Variants in MYH11 observed in about 807,000 individuals in gnomAD.
MYH11 encodes the protein myosin heavy chain 11.
Under a neutral mutation model 246.6 loss-of-function variants are expected in MYH11, and 80 were observed. The observed-to-expected ratio is 0.32, with a 90% confidence interval of 0.27 to 0.39. MYH11 has a LOEUF of 0.39. Among genes scored for constraint, MYH11 ranks in the 10% least tolerant of loss-of-function variants. MYH11 has a pLI of 1.00. For synonymous variants in MYH11, 1,071 were observed against 1,015.5 expected, an observed-to-expected ratio of 1.05 and a Z score of -1.04; for missense variants, 2,158 against 2,546.8, an observed-to-expected ratio of 0.85 and a Z score of 3.29.
At chr16:15,837,538 CTTTTT>C (rs11371178) in intron 2 of MYH11, among the ~76,000 whole-genome samples, 10 of 137,246 alleles carry the variant, frequency 7.3e-5, no homozygotes, top group Non-Finnish European at 1.4e-4. Flanking sequence ...CTCCCATTTC[CTTTTT>C]TTTTTTTTTT....
intron 4 of MYH11, among the ~76,000 whole-genome samples, chr16:15,794,738 T>A (rs554821423): frequency 1.3e-5 from 2 of 151,768 alleles, no homozygotes; most frequent in African/African-American, 4.8e-5. Context: ...GAGAGCCCTG[T>A]GGGAAGGATG....
At chr16:15,717,078 C>G in intron 38 of MYH11, 62 bp downstream of exon 38, 1 of 1,563,598 alleles carries the variant, frequency 6.4e-7, no homozygotes, top group Non-Finnish European at 8.8e-7. Context: ...CCTGACTTCA[C>G]TATGACTCCT....
chr16:15,817,737 A>G (rs963104860), intron 3 of MYH11, among the ~76,000 whole-genome samples: 3 of 152,098 alleles, frequency 2.0e-5, no homozygotes, highest in Non-Finnish European at 2.9e-5. Context: ...GCTCCCTGCC[A>G]CAGTATACTA....
chr16:15,838,384 C>G, intron 1 of MYH11, 115 bp from the exon 2 acceptor site: 2 of 788,712 alleles, frequency 2.5e-6, no homozygotes, highest in South Asian at 2.9e-5. Context: ...CCACCAAGTA[C>G]AAAGACCTGC....
intron 2 of MYH11, among the ~76,000 whole-genome samples, chr16:15,824,025 C>T (rs1160948795): frequency 6.6e-6 from 1 of 152,158 alleles, no homozygotes; most frequent in African/African-American, 2.4e-5. Flanking sequence ...AAATAACAGC[C>T]ACCGTTCATT....
At chr16:15,706,001 A>AAAAAAAAAAAAAAAC (rs2039431140) in intron 40 of MYH11, among the ~76,000 whole-genome samples, 1 of 151,090 alleles carries the variant, frequency 6.6e-6, no homozygotes. Context: ...AAAAAAAAAA[A>AAAAAAAAAAAAAAAC]AAAATCAAGG....
intron 31 of MYH11, among the ~76,000 whole-genome samples, chr16:15,723,618 C>G (rs1003963492): frequency 7.2e-5 from 11 of 152,168 alleles, no homozygotes; most frequent in African/African-American, 2.7e-4. Context: ...TGCACTCCAG[C>G]CTGGGTGACA....
At chr16:15,818,306 T>G (rs2043312556) in intron 3 of MYH11, among the ~76,000 whole-genome samples, 1 of 152,184 alleles carries the variant, frequency 6.6e-6, no homozygotes. Context: ...GTCAACACAC[T>G]GGGCCTACGT....
At chr16:15,836,680 G>GTGA (rs2043903506) in intron 2 of MYH11, among the ~76,000 whole-genome samples, 1 of 145,990 alleles carries the variant, frequency 6.8e-6, no homozygotes, top group Non-Finnish European at 1.5e-5. Flanking sequence ...GATTACAGGT[G>GTGA]TGAGCCCACG....
intron 4 of MYH11, among the ~76,000 whole-genome samples, chr16:15,790,675 G>A (rs1408653967): frequency 6.6e-6 from 1 of 152,108 alleles, no homozygotes; most frequent in Non-Finnish European, 1.5e-5. Flanking sequence ...ATTTCTTGGG[G>A]AATTTGGTAC....
chr16:15,823,579 G>C (rs182179981), intron 2 of MYH11, among the ~76,000 whole-genome samples, 168 bp from the exon 3 acceptor site: 2 of 152,142 alleles, frequency 1.3e-5, no homozygotes, highest in African/African-American at 2.4e-5. Context: ...GAGAAAGGGC[G>C]AGAGTGGGTT....
At chr16:15,753,125 C>CGTGCCTGGCATGCT (rs1264043898) in intron 15 of MYH11, among the ~76,000 whole-genome samples, 1 of 152,166 alleles carries the variant, frequency 6.6e-6, no homozygotes, top group East Asian at 1.9e-4. Flanking sequence ...TCTAACTCCC[C>CGTGCCTGGCATGCT]GTGCCTGGCA....
rs2039300436 is a variant in MYH11 at position 15,703,623 on chromosome 16, C to G, written c.*368G>C. The G allele has an allele frequency of 5.0e-6, 2 of 400,016 alleles. No homozygotes were observed. The highest frequency in any genetic ancestry group is 4.0e-5 in the African/African-American group (2 of 50,184). The allele number at this position is 400,016 out of a possible 1,614,324, so 24.8% of individuals were successfully genotyped here. A position where few individuals can be genotyped will look rare whatever the true frequency, so the allele number is the denominator to read the frequency against. On this transcript the variant is annotated 3_prime_UTR_variant, in exon 41 of 41. Transcript: ENST00000300036. ...GGTGGTGGTGGTTGAGACAGGGTCT[C>G]TGTTGCCCAGGCTGGAGTGCAATGA...
At chr16:15,805,915 T>TA (rs903889922) in intron 3 of MYH11, among the ~76,000 whole-genome samples, 12 of 151,816 alleles carry the variant, frequency 7.9e-5, no homozygotes, top group African/African-American at 1.9e-4. Flanking sequence ...GACCCTGTCT[T>TA]AAAAAATATA....
intron 2 of MYH11, among the ~76,000 whole-genome samples, chr16:15,828,614 A>G (rs1200340328): frequency 2.0e-5 from 3 of 151,948 alleles, no homozygotes; most frequent in Admixed American, 6.6e-5. Context: ...CCAACATGGC[A>G]AAACCCCGTC....
chr16:15,793,615 C>CTTTTTTTTTTTT (rs572455483), intron 4 of MYH11, among the ~76,000 whole-genome samples: 1 of 93,818 alleles, frequency 1.1e-5, no homozygotes, highest in Non-Finnish European at 2.0e-5. Context: ...CTTTTCTTTT[C>CTTTTTTTTTTTT]TTTTTTTTTT....
chr16:15,855,303 G>A (rs1468182518), intron 1 of MYH11, among the ~76,000 whole-genome samples: 1 of 152,180 alleles, frequency 6.6e-6, no homozygotes, highest in African/African-American at 2.4e-5. Flanking sequence ...GACAAACAGT[G>A]CCTTTTATTT....
chr16:15,847,999 T>G (rs2044239615), intron 1 of MYH11, among the ~76,000 whole-genome samples: 1 of 152,114 alleles, frequency 6.6e-6, no homozygotes, highest in South Asian at 2.1e-4. Flanking sequence ...ATATTCCCCT[T>G]TCCCTCATTG....
At chr16:15,772,849 C>T (rs1429617029) in intron 8 of MYH11, among the ~76,000 whole-genome samples, 2 of 152,180 alleles carry the variant, frequency 1.3e-5, no homozygotes, top group African/African-American at 4.8e-5. Context: ...CATAGGAGCG[C>T]AAACCCTATC....
Sources: allele counts gnomAD v4.1 joint callset (sites outside exome capture counted in the v4.1 genomes callset), GRCh38; gene constraint gnomAD v4.1.1; transcripts MANE v1.5; gene names NCBI Gene and HGNC (gene_info 2026-07-23, HGNC 2026-07-21).